The following USP42 variants were observed in gnomAD, a reference collection of about 807,000 sequenced individuals.
USP42 encodes the protein ubiquitin specific peptidase 42, also known as ubiquitin carboxyl-terminal hydrolase 42.
A neutral mutation model predicts 113.0 loss-of-function variants in USP42; 23 were observed. That is an observed-to-expected ratio of 0.20 (90% CI 0.15 to 0.29). The LOEUF (loss-of-function observed/expected upper bound fraction) is 0.29, where lower values mean the gene tolerates loss of function less well. Ranked by LOEUF, USP42 falls within the 10% of genes least tolerant of loss-of-function variation. The pLI, the probability that USP42 is intolerant of heterozygous loss-of-function variation, is 1.00. For missense variants in USP42, 2,174 were observed against 1,779.8 expected, an observed-to-expected ratio of 1.22 and a Z score of -3.99; for synonymous variants, 933 against 699.0, an observed-to-expected ratio of 1.33 and a Z score of -5.28.
chr7:6,157,486 C>G lies in USP42; in HGVS notation c.3943+431C>G, dbSNP rs759545822. 179 of 704,240 alleles carry G rather than the reference C, an allele frequency of 2.5e-4. 1 individual carries two copies. Among genetic ancestry groups the G allele is most frequent in the Non-Finnish European group, 2.9e-4 (164 of 573,636 alleles). 43.6% of individuals were successfully genotyped at this position (704,240 alleles called of 1,614,324 possible). A position where few individuals can be genotyped will look rare whatever the true frequency, so the allele number is the denominator to read the frequency against. ...GATCTCAGCTCACTGCAACCTCTGC[C>G]TCCCAGGTTCATGCTGTTCTCCTGC... On this transcript the variant is annotated intron_variant, in intron 16 of 17. Coordinates refer to ENST00000306177, the MANE Select transcript of USP42 (RefSeq NM_032172.3). This position sits in a 1 kb window ranked among gnomAD's most constrained non-coding sequence, Gnocchi z 4.1.
At chr7:6,092,259 C>A in the USP42 span, among the ~76,000 whole-genome samples, 2 of 146,658 alleles carry the variant, frequency 1.4e-5, no homozygotes, top group Non-Finnish European at 3.0e-5. Flanking sequence ...CTCACTGCAA[C>A]CTCCGCCTCC....
chr7:6,092,044 C>CCTCTTCTT, the USP42 span, among the ~76,000 whole-genome samples: 2 of 87,190 alleles, frequency 2.3e-5, no homozygotes, highest in Admixed American at 1.3e-4. Context: ...TCTTCTTCTT[C>CCTCTTCTT]TTCTTCTTCT....
At chr7:6,091,680 T>TACACACACAC in the USP42 span, among the ~76,000 whole-genome samples, 10,962 of 136,002 alleles carry the variant, frequency 0.081, 565 homozygotes, top group Middle Eastern at 0.1. Context: ...TATGTTAGCA[T>TACACACACAC]ACACACACAC....
intron 3 of USP42, among the ~76,000 whole-genome samples, chr7:6,135,593 A>G (rs868533203): frequency 3.7e-5 from 5 of 134,452 alleles, no homozygotes; most frequent in Non-Finnish European, 3.1e-5. Flanking sequence ...CCGAGGTTGC[A>G]GTGAGCCAGG....
At chr7:6,160,415 G>A (rs1782706091) in intron 17 of USP42, 140 bp from the exon 18 acceptor site, 1 of 152,284 alleles carries the variant, frequency 6.6e-6, no homozygotes, top group Non-Finnish European at 1.5e-5. Context: ...TTTCCACTCA[G>A]GAAGGCAGAG....
At chr7:6,116,755 A>G in intron 3 of USP42, 1 of 532,870 alleles carries the variant, frequency 1.9e-6, no homozygotes, top group Non-Finnish European at 3.8e-6. Flanking sequence ...GTTATGCCAG[A>G]ATTAACGTTC....
In USP42 at chr7:6,154,863, C is replaced by G. The variant is rs1782339279; in HGVS notation, c.3309C>G (p.Cys1103Trp). 5.2e-6 allele frequency: 8 copies of G among 1,524,896 alleles called. No homozygotes were observed. Among genetic ancestry groups the G allele is most frequent in the Non-Finnish European group, 6.2e-6 (7 of 1,134,454 alleles). The allele number at this position is 1,524,896 out of a possible 1,614,324, so 94.5% of individuals were successfully genotyped here. Residue 1103 changes from cysteine to tryptophan, a missense_variant, in exon 15 of 18, where the codon TGC becomes TGG. Coordinates refer to ENST00000306177, the MANE Select transcript of USP42 (RefSeq NM_032172.3). ...ACCACAACCGGGGCCGTAGGGGCTG[C>G]GAGCCGGCCCGGGAGAGGGAGCGGC... is the stretch of plus-strand genomic sequence containing the variant. ...HKDHNRGRRG[C>W]EPARERERHR...
rs980610790 is a variant in USP42 at position 6,150,492 on chromosome 7, G to A, written c.2187G>A (p.Ser729=). 8.1e-6 allele frequency: 13 copies of A among 1,613,774 alleles called. No individual in the cohort carries two copies. Among genetic ancestry groups the A allele is most frequent in the Admixed American group, 6.7e-5 (4 of 59,998 alleles). Residue 729 remains serine, a synonymous_variant, in exon 14 of 18, where the codon TCG becomes TCA. Coordinates refer to ENST00000306177, the MANE Select transcript of USP42 (RefSeq NM_032172.3). ...GGCTTAGCAACAAACTGAAAGGCTC[G>A]ACGGATGAAATGAGGTAACGTAAGA... ...TFRLSNKLKG[S]TDEMSAPGAE... is the part of the protein sequence containing the mutation.
At chr7:6,085,357 CCTT>C in the USP42 span, 1 of 150,414 alleles carries the variant, frequency 6.6e-6, no homozygotes, top group Non-Finnish European at 1.5e-5. Flanking sequence ...GATCTCCTGA[CCTT>C]CTGATCCACC....
At chr7:6,115,103 T>G in intron 2 of USP42, among the ~76,000 whole-genome samples, 1 of 152,186 alleles carries the variant, frequency 6.6e-6, no homozygotes, top group East Asian at 1.9e-4. Context: ...CCTCTCCCCT[T>G]TCTGTCCTTG....
intron 3 of USP42, among the ~76,000 whole-genome samples, chr7:6,123,931 A>G (rs1290263615): frequency 2.7e-5 from 4 of 150,738 alleles, no homozygotes; most frequent in Non-Finnish European, 4.4e-5. Context: ...GCTGGAGTGC[A>G]CTGGCATGAT....
chr7:6,105,715 G>A (rs1779242549), intron 1 of USP42, among the ~76,000 whole-genome samples: 1 of 152,218 alleles, frequency 6.6e-6, no homozygotes, highest in Admixed American at 6.5e-5. Context: ...TGCCTCTCTA[G>A]CGTTTTTTAT....
At chr7:6,110,938 C>G (rs899633118) in intron 1 of USP42, among the ~76,000 whole-genome samples, 187 bp from the exon 2 acceptor site, 5 of 152,158 alleles carry the variant, frequency 3.3e-5, no homozygotes, top group African/African-American at 9.7e-5. Flanking sequence ...TTCAGATTAT[C>G]ATGATGCTAA....
At chr7:6,098,513 G>A in the USP42 span, among the ~76,000 whole-genome samples, 6 of 150,038 alleles carry the variant, frequency 4.0e-5, 2 homozygotes, top group Non-Finnish European at 8.9e-5. Context: ...TGGTGGCCAG[G>A]GGGATACAGG....
chr7:6,122,119 C>G (rs533973801), intron 3 of USP42, among the ~76,000 whole-genome samples: 5 of 152,008 alleles, frequency 3.3e-5, no homozygotes, highest in Non-Finnish European at 5.9e-5. Context: ...CTTCTGCTTA[C>G]TTTGGATTTA....
intron 9 of USP42, 61 bp downstream of exon 9, chr7:6,144,257 G>T: frequency 8.7e-7 from 1 of 1,151,880 alleles, no homozygotes; most frequent in South Asian, 1.5e-5. Context: ...TAACGTGTCT[G>T]TAGCTATTAA....
rs754247311 is a variant in USP42, at chr7:6,154,250, C to T, written c.2696C>T (p.Pro899Leu). The change falls in exon 15 of 18, where the codon CCG (proline) becomes CTG (leucine). Residue 899 changes from proline (P) to leucine (L), a missense_variant. Physicochemically the swap from Pro to Leu is moderately conservative, Grantham distance 98 (BLOSUM62 -3). Transcript: ENST00000306177. The stretch of plus-strand genomic sequence containing the variant: ...GGCGCACCCGAGGCCGCAGAGCGGC[C>T]GCCAGCTCCTGTGCTGGACATGGCC... ...SLGAPEAAER[P>L]PAPVLDMAPA... is the part of the protein sequence containing the mutation. 2 of 1,604,612 alleles carry T rather than the reference C, an allele frequency of 1.2e-6. No homozygotes were observed. Among genetic ancestry groups the T allele is most frequent in the South Asian group, 1.1e-5 (1 of 90,374 alleles).
chr7:6,147,785 A>G lies in USP42; in HGVS notation c.1279A>G (p.Ser427Gly). 6.2e-7 allele frequency: 1 copy of G among 1,605,710 alleles called. No individual in the cohort carries two copies. Among genetic ancestry groups the G allele is most frequent in the Non-Finnish European group, 8.5e-7 (1 of 1,173,904 alleles). Reference protein sequence around the residue: ...NGGELTHPTHSPGQSSPRPVI... With the variant: ...NGGELTHPTHGPGQSSPRPVI... ...AGGTGAACTTACTCATCCCACCCAT[A>G]GCCCCGGCCAGTCCTCTCCCCGCCC... The change falls in exon 12 of 18, where the codon AGC becomes GGC. Residue 427 changes from serine (S) to glycine (G), a missense_variant. Physicochemically the swap from Ser to Gly is moderately conservative, Grantham distance 56. Coordinates refer to ENST00000306177, the MANE Select transcript of USP42 (RefSeq NM_032172.3).
At chr7:6,089,076 A>C in the USP42 span, among the ~76,000 whole-genome samples, 1 of 149,882 alleles carries the variant, frequency 6.7e-6, no homozygotes, top group Non-Finnish European at 1.5e-5. Flanking sequence ...ATGGAGTTTC[A>C]CTTTGTTGCC....
Sources: gnomAD v4.1 joint callset for allele counts (sites outside exome capture counted in the v4.1 genomes callset) on GRCh38, gnomAD v4.1.1 for gene constraint, Gnocchi (gnomAD v3.1) non-coding constraint, MANE v1.5 for transcripts, NCBI Gene and HGNC (gene_info 2026-07-23, HGNC 2026-07-21) for gene names.